ARHGAP44: variants seen among roughly 807,000 people sequenced by gnomAD.
ARHGAP44 encodes the protein rho GTPase-activating protein 44.
A neutral mutation model predicts 106.8 loss-of-function variants in ARHGAP44; 43 were observed. The observed-to-expected ratio is 0.40, with a 90% CI of 0.32 to 0.52. ARHGAP44 has a LOEUF of 0.52. ARHGAP44 is among the 20% of genes least tolerant of loss of function. ARHGAP44 has a pLI of 0.48. For synonymous variants in ARHGAP44, 439 were observed against 410.3 expected (o/e 1.07, Z -0.85); for missense variants, 866 against 1,050.5 (o/e 0.82, Z 2.43).
chr17:12,952,576 C>T lies in ARHGAP44; in HGVS notation c.1131C>T (p.Asn377=). The change falls in exon 13 of 21, where the codon AAC becomes AAT. Residue 377 remains asparagine, a synonymous_variant. Coordinates refer to ENST00000379672, the MANE Select transcript of ARHGAP44 (RefSeq NM_014859.6). The part of the protein sequence containing the change: ...CEKLPKANHN[N]IRYLIKFLSK... ...AGTTGCCCAAGGCCAATCACAACAA[C>T]ATCCGGTAAGTGGATACTTACCAAG... is the stretch of plus-strand genomic sequence containing the variant. 8 of 1,566,888 alleles carry T rather than the reference C, an allele frequency of 5.1e-6. No individual in the cohort carries two copies. The highest frequency in any genetic ancestry group is 5.2e-6 in the Non-Finnish European group (6 of 1,155,074).
chr17:12,819,987 C>T (rs1212651729), intron 1 of ARHGAP44, among the ~76,000 whole-genome samples: 6 of 152,022 alleles, frequency 3.9e-5, no homozygotes, highest in Non-Finnish European at 2.9e-5. Context: ...ATTGCCTATG[C>T]CATAGAAGGA....
intron 15 of ARHGAP44, among the ~76,000 whole-genome samples, chr17:12,957,525 C>T (rs1367679805): frequency 6.6e-6 from 1 of 152,056 alleles, no homozygotes; most frequent in Non-Finnish European, 1.5e-5. Context: ...CTTTTGCTAC[C>T]CTAGGTTGTG....
chr17:12,962,028 C>T (rs538428169), intron 16 of ARHGAP44, among the ~76,000 whole-genome samples: 10 of 151,546 alleles, frequency 6.6e-5, no homozygotes, highest in South Asian at 6.3e-4. Flanking sequence ...TCATTGAAAC[C>T]CTGACAAATT....
chr17:12,929,065 C>A lies in ARHGAP44; in HGVS notation c.582+19C>A. 6.3e-7 allele frequency: 1 copy of A among 1,596,400 alleles called. No individual in the cohort carries two copies. The highest frequency in any genetic ancestry group is 1.1e-5 in the South Asian group (1 of 88,460). ...TTGCAGGGTACCTGCCCTCTTTGCT[C>A]CTCTCTACTGGGACAGGCTGGGGAG... On this transcript the variant is annotated intron_variant, in intron 7 of 20. Transcript: ENST00000379672.
At chr17:12,816,213 G>A (rs184506134) in intron 1 of ARHGAP44, among the ~76,000 whole-genome samples, 3 of 152,226 alleles carry the variant, frequency 2.0e-5, no homozygotes, top group African/African-American at 7.2e-5. Context: ...TGGTTTTTAG[G>A]CATATTTGGG....
chr17:12,821,861 G>A (rs2034780266), intron 1 of ARHGAP44, among the ~76,000 whole-genome samples: 1 of 152,120 alleles, frequency 6.6e-6, no homozygotes, highest in South Asian at 2.1e-4. Context: ...ATAGGGAAAG[G>A]TAAGTAGTCT....
At chr17:12,983,159 G>A (rs1212153154) in intron 19 of ARHGAP44, among the ~76,000 whole-genome samples, 1 of 151,820 alleles carries the variant, frequency 6.6e-6, no homozygotes, top group Non-Finnish European at 1.5e-5. Flanking sequence ...CAGCTACTTG[G>A]GAGGCTGAGG....
chr17:12,808,235 C>G (rs2150774972), intron 1 of ARHGAP44, among the ~76,000 whole-genome samples: 1 of 152,344 alleles, frequency 6.6e-6, no homozygotes. Flanking sequence ...ACGCATGGTA[C>G]AAGCGGTCAG....
At chr17:12,961,662 A>G (rs1189303288) in intron 16 of ARHGAP44, among the ~76,000 whole-genome samples, 1 of 152,046 alleles carries the variant, frequency 6.6e-6, no homozygotes, top group Non-Finnish European at 1.5e-5. Flanking sequence ...TGAACCTGGG[A>G]GGTGGAGGTT....
chr17:12,941,064 C>T lies in ARHGAP44; in HGVS notation c.591C>T (p.Leu197=). Reference sequence around the variant, plus strand: ...TATTTTACCTTGCACAGGACCAGCTCTCAGCTGATATGTACAGTTTTGTGG... The same window carrying T: ...TATTTTACCTTGCACAGGACCAGCTTTCAGCTGATATGTACAGTTTTGTGG... The part of the protein sequence containing the change: ...ANRVEICRDQ[L]SADMYSFVAK... Residue 197 remains leucine (L), a synonymous_variant, in exon 8 of 21, where the codon CTC becomes CTT. Coordinates refer to ENST00000379672, the MANE Select transcript of ARHGAP44 (RefSeq NM_014859.6). 1 of 1,613,926 alleles carries T rather than the reference C, an allele frequency of 6.2e-7. No homozygotes were observed. Among genetic ancestry groups the T allele is most frequent in the Non-Finnish European group, 8.5e-7 (1 of 1,179,840 alleles).
chr17:12,879,106 A>G (rs753691762), intron 1 of ARHGAP44, among the ~76,000 whole-genome samples: 4 of 152,102 alleles, frequency 2.6e-5, no homozygotes, highest in African/African-American at 4.8e-5. Context: ...ACTGTACCCA[A>G]TGTGTAGTCT....
chr17:12,915,391 T>C (rs1199165174), intron 4 of ARHGAP44, among the ~76,000 whole-genome samples: 3 of 152,262 alleles, frequency 2.0e-5, no homozygotes, highest in Non-Finnish European at 4.4e-5. Context: ...CATGACTTTC[T>C]ACTCATTCAG....
At position 12,949,840 on chromosome 17, in the gene ARHGAP44, T is replaced by A; in HGVS notation, c.1055+110T>A. On this transcript the variant is annotated intron_variant, in intron 12 of 20. Transcript: ENST00000379672. This position sits in a 1 kb window ranked among gnomAD's most constrained non-coding sequence, Gnocchi z 4.1. ...GATCTCGCAACCCCGTTTCTTGATC[T>A]CTGCCATGAAGGAGTGCTTATACAT... The A allele has an allele frequency of 9.2e-7, 1 of 1,088,810 alleles. No individual in the cohort carries two copies. Among genetic ancestry groups the A allele is most frequent in the Non-Finnish European group, 1.3e-6 (1 of 742,370 alleles). 67.4% of individuals were successfully genotyped at this position (1,088,810 alleles called of 1,614,324 possible). A position where few individuals can be genotyped will look rare whatever the true frequency, so the allele number is the denominator to read the frequency against.
intron 1 of ARHGAP44, among the ~76,000 whole-genome samples, chr17:12,837,314 G>A (rs940380977): frequency 6.6e-6 from 1 of 152,050 alleles, no homozygotes; most frequent in Non-Finnish European, 1.5e-5. Context: ...AGAAGAATGG[G>A]TACCCCATTT....
At chr17:12,955,291 G>A (rs887975363) in intron 13 of ARHGAP44, among the ~76,000 whole-genome samples, 1 of 151,970 alleles carries the variant, frequency 6.6e-6, no homozygotes, top group South Asian at 2.1e-4. Context: ...TCCACCCTTC[G>A]GCTATTATTA....
At chr17:12,857,989 C>T (rs543353004) in intron 1 of ARHGAP44, among the ~76,000 whole-genome samples, 1 of 152,138 alleles carries the variant, frequency 6.6e-6, no homozygotes, top group East Asian at 1.9e-4. Flanking sequence ...TAATCCTGCT[C>T]ATCCCCTTAC....
chr17:12,944,412 A>G (rs891734789), intron 10 of ARHGAP44, among the ~76,000 whole-genome samples: 1 of 152,140 alleles, frequency 6.6e-6, no homozygotes, highest in African/African-American at 2.4e-5. Flanking sequence ...TGTGATGGCC[A>G]TGAGGAACGG....
rs186164961 is a variant in ARHGAP44, at chr17:12,948,587, T to G, written c.862-553T>G. 1.7e-3 allele frequency among the ~76,000 whole-genome samples: 265 copies of G among 152,212 alleles called. 1 individual carries two copies. The highest frequency in any genetic ancestry group is 6.0e-3 in the African/African-American group (249 of 41,534). On this transcript the variant is annotated intron_variant, in intron 10 of 20. Transcript: ENST00000379672. ...TTGGGAGACTGAACACGAGAATTGC[T>G]TGAACCCGGGAGGCAGAGGTTGCAC...
At chr17:12,916,046 C>A in intron 5 of ARHGAP44, 35 bp downstream of exon 5, 1 of 1,552,294 alleles carries the variant, frequency 6.4e-7, no homozygotes, top group South Asian at 1.1e-5. Context: ...CCTGAAAGAG[C>A]AAGGAGGTAC....
Sources: allele counts gnomAD v4.1 joint callset (sites outside exome capture counted in the v4.1 genomes callset), GRCh38; gene constraint gnomAD v4.1.1; non-coding constraint Gnocchi (gnomAD v3.1); transcripts MANE v1.5; gene names NCBI Gene and HGNC (gene_info 2026-07-23, HGNC 2026-07-21).